HCK: variants seen among roughly 807,000 people sequenced by gnomAD.
The protein encoded by HCK is tyrosine-protein kinase HCK.
HCK carries 40 observed loss-of-function variants against 70.4 expected under a neutral mutation model. The ratio of observed to expected loss-of-function variants is 0.57; its 90% CI spans 0.44 to 0.74. The LOEUF (loss-of-function observed/expected upper bound fraction) is 0.74, where lower values mean the gene tolerates loss of function less well. Ranked by LOEUF, HCK falls within the 30% of genes least tolerant of loss-of-function variation. The pLI, the probability that HCK is intolerant of heterozygous loss-of-function variation, is 0.00. For synonymous variants in HCK, 245 were observed against 263.2 expected (o/e 0.93, Z 0.67); for missense variants, 568 against 697.2 (o/e 0.81, Z 2.09).
intron 1 of HCK, among the ~76,000 whole-genome samples, chr20:32,067,608 G>T (rs1224077113): frequency 7.6e-6 from 1 of 132,114 alleles, no homozygotes; most frequent in African/African-American, 2.8e-5. Context: ...AGTATGGCAC[G>T]CCAGGCATGC....
chr20:32,068,075 TCACCTGAGGTTGGGAGTTCAAGAC>T (rs908474938), intron 1 of HCK, among the ~76,000 whole-genome samples: 3 of 152,050 alleles, frequency 2.0e-5, no homozygotes, highest in African/African-American at 7.2e-5. Context: ...GGAGGACGGA[TCACCTGAGGTTGGGAGTTCAAGAC>T]CAGCCTGACC....
intron 1 of HCK, among the ~76,000 whole-genome samples, chr20:32,069,260 G>T (rs982020765): frequency 2.0e-5 from 3 of 152,162 alleles, no homozygotes; most frequent in Non-Finnish European, 4.4e-5. Flanking sequence ...AATGAACACA[G>T]GTCTTCTGAG....
At chr20:32,055,879 G>C (rs1284713903) in intron 1 of HCK, among the ~76,000 whole-genome samples, 3 of 151,932 alleles carry the variant, frequency 2.0e-5, no homozygotes, top group Non-Finnish European at 4.4e-5. Context: ...TTGCCTCTAC[G>C]GACTAATTTA....
chr20:32,058,308 G>A (rs1242816242), intron 1 of HCK, among the ~76,000 whole-genome samples: 1 of 152,014 alleles, frequency 6.6e-6, no homozygotes, highest in African/African-American at 2.4e-5. Context: ...AAAGCAGGTG[G>A]ATCACCTGAG....
rs990999990 is a variant in HCK, at chr20:32,054,760, C to G, written c.62+2274C>G. 5.3e-5 allele frequency among the ~76,000 whole-genome samples: 8 copies of G among 152,268 alleles called. No individual in the cohort carries two copies. The South Asian group carries it at 8.3e-4, about 16-fold the overall frequency. On this transcript the variant is annotated intron_variant, in intron 1 of 12. Transcript: ENST00000375852. ...GGTGGAGCTTGCAGTGAGCCGAGATCGTGCCACTGCACTCTAGCCTGGGCC... is the reference window on the plus strand; with the variant it reads ...GGTGGAGCTTGCAGTGAGCCGAGATGGTGCCACTGCACTCTAGCCTGGGCC...
At chr20:32,078,655 G>A (rs916112074) in intron 5 of HCK, among the ~76,000 whole-genome samples, 4 of 151,752 alleles carry the variant, frequency 2.6e-5, no homozygotes, top group African/African-American at 2.4e-5. Context: ...TCAGGAGTTC[G>A]AGACCAGCCT....
intron 1 of HCK, among the ~76,000 whole-genome samples, chr20:32,055,053 T>C (rs577253613): frequency 2.0e-5 from 3 of 152,256 alleles, no homozygotes; most frequent in Non-Finnish European, 4.4e-5. Flanking sequence ...AGGCGTTCAC[T>C]ACAACGAACA....
chr20:32,052,666 G>T (rs1600696759), intron 1 of HCK, among the ~76,000 whole-genome samples, 180 bp downstream of exon 1: 1 of 152,064 alleles, frequency 6.6e-6, no homozygotes, highest in East Asian at 1.9e-4. Flanking sequence ...CGAGTGGAGG[G>T]TGCCCTAGGG....
At chr20:32,094,701 A>AAG in intron 11 of HCK, among the ~76,000 whole-genome samples, 1 of 60,944 alleles carries the variant, frequency 1.6e-5, no homozygotes, top group African/African-American at 1.5e-4. Context: ...AAAGAAAAGA[A>AAG]AAGAAAAGAA....
intron 10 of HCK, among the ~76,000 whole-genome samples, chr20:32,092,124 ATTGT>A: frequency 6.6e-6 from 1 of 152,084 alleles, no homozygotes; most frequent in South Asian, 2.1e-4. Flanking sequence ...TGGTGCTTTG[ATTGT>A]TCTGTCTAGT....
At chr20:32,069,816 GTTTGGGGTT>G in intron 1 of HCK, 3 of 1,196,826 alleles carry the variant, frequency 2.5e-6, no homozygotes, top group Non-Finnish European at 1.1e-6. Context: ...AAGCCTAGGA[GTTTGGGGTT>G]TTTTTCCTTA....
intron 1 of HCK, among the ~76,000 whole-genome samples, chr20:32,065,039 A>G (rs2045436425): frequency 6.6e-6 from 1 of 152,258 alleles, no homozygotes; most frequent in South Asian, 2.1e-4. Flanking sequence ...CCCTAGTCAC[A>G]TAGGACCTCA....
chr20:32,088,611 G>T lies in HCK; in HGVS notation c.1059G>T (p.Gln353His). 6.2e-7 allele frequency: 1 copy of T among 1,614,094 alleles called. No homozygotes were observed. Among genetic ancestry groups the T allele is most frequent in the Non-Finnish European group, 8.5e-7 (1 of 1,179,998 alleles). ...TGAAAAGTGATGAGGGCAGCAAGCAGCCATTGCCAAAACTCATTGACTTCT... is the reference window on the plus strand; with the variant it reads ...TGAAAAGTGATGAGGGCAGCAAGCATCCATTGCCAAAACTCATTGACTTCT... The change falls in exon 10 of 13, where the codon CAG becomes CAT. Residue 353 changes from glutamine to histidine, a missense_variant. Gln to His is a conservative substitution (Grantham distance 24, BLOSUM62 0). Around this residue, in one of 4 missense-constraint regions of HCK, gnomAD observed 160 missense variants for 237.5 expected, o/e 0.67. Transcript: ENST00000375852.
chr20:32,082,606 C>T (rs898056812), intron 6 of HCK, among the ~76,000 whole-genome samples: 1 of 152,092 alleles, frequency 6.6e-6, no homozygotes, highest in Non-Finnish European at 1.5e-5. Context: ...TGCGCCACTG[C>T]ACTCCAGCCT....
chr20:32,083,072 C>A (rs2045729650), intron 6 of HCK, among the ~76,000 whole-genome samples: 1 of 152,100 alleles, frequency 6.6e-6, no homozygotes, highest in Admixed American at 6.5e-5. Flanking sequence ...CATTTTCTTG[C>A]CTTTTTTAGT....
chr20:32,056,792 G>A (rs1033435100), intron 1 of HCK, among the ~76,000 whole-genome samples: 3 of 152,114 alleles, frequency 2.0e-5, no homozygotes, highest in African/African-American at 7.2e-5. Context: ...ACTAGCCAGG[G>A]CTTGGACTTT....
At chr20:32,056,251 C>T (rs1014769579) in intron 1 of HCK, among the ~76,000 whole-genome samples, 5 of 152,182 alleles carry the variant, frequency 3.3e-5, no homozygotes, top group African/African-American at 4.8e-5. Context: ...CGGTGGCTCA[C>T]GCCTGTAATC....
In HCK at chr20:32,101,811, A is replaced by G. The variant is rs2046040014; in HGVS notation, c.*292A>G. 3.3e-6 allele frequency: 1 copy of G among 307,320 alleles called. No individual in the cohort carries two copies. Among genetic ancestry groups the G allele is most frequent in the Non-Finnish European group, 6.1e-6 (1 of 164,854 alleles). 19.0% of individuals were successfully genotyped at this position (307,320 alleles called of 1,614,324 possible). A position where few individuals can be genotyped will look rare whatever the true frequency, so the allele number is the denominator to read the frequency against. On this transcript the variant is annotated 3_prime_UTR_variant, in exon 13 of 13. Transcript: ENST00000375852. ...GAAGGGAAACTTTCAAAATAGTGAA[A>G]TGAATATTTAAATAAAAGATATAAA... is the stretch of plus-strand genomic sequence containing the variant.
At position 32,093,724 on chromosome 20, in the gene HCK, G is replaced by A. The variant is rs1228168772; in HGVS notation, c.1093-139G>A. On this transcript the variant is annotated intron_variant, in intron 10 of 12. Transcript: ENST00000375852. ...GGAGGAATGCCACCCTGAGCCCTGG[G>A]GCCCTCCCGACACAAAAGGGAGGGC... 6.8e-6 allele frequency: 5 copies of A among 733,166 alleles called. No individual in the cohort carries two copies. The East Asian group carries it at 1.2e-4, about 17-fold the overall frequency. 45.4% of individuals were successfully genotyped at this position (733,166 alleles called of 1,614,324 possible). A position where few individuals can be genotyped will look rare whatever the true frequency, so the allele number is the denominator to read the frequency against.
Sources: gnomAD v4.1 joint callset for allele counts (sites outside exome capture counted in the v4.1 genomes callset) on GRCh38, gnomAD v4.1.1 for gene constraint, gnomAD v4.1.1 regional missense constraint, MANE v1.5 for transcripts, NCBI Gene and HGNC (gene_info 2026-07-23, HGNC 2026-07-21) for gene names.